Variants in FKBP5 observed in about 807,000 individuals in gnomAD.
FKBP5 encodes FKBP prolyl isomerase 5, also known as peptidyl-prolyl cis-trans isomerase FKBP5.
A neutral mutation model predicts 50.5 loss-of-function variants in FKBP5; 23 were observed. The observed-to-expected ratio is 0.46, with a 90% CI of 0.33 to 0.65. The LOEUF is 0.65. Among genes scored for constraint, FKBP5 ranks in the 30% least tolerant of loss-of-function variants. The pLI, the probability that FKBP5 is intolerant of heterozygous loss-of-function variation, is 0.02. For synonymous variants in FKBP5, 176 were observed against 190.6 expected, an observed-to-expected ratio of 0.92 and a Z score of 0.63; for missense variants, 411 against 553.1, an observed-to-expected ratio of 0.74 and a Z score of 2.58.
chr6:35,654,544 T>C (rs879327661), intron 1 of FKBP5, among the ~76,000 whole-genome samples: 2 of 152,228 alleles, frequency 1.3e-5, no homozygotes, highest in Admixed American at 6.5e-5. Flanking sequence ...TAAAACTACT[T>C]ACTGCTGTTT....
intron 7 of FKBP5, among the ~76,000 whole-genome samples, chr6:35,590,668 T>C (rs1391382839): frequency 6.6e-6 from 1 of 152,082 alleles, no homozygotes; most frequent in African/African-American, 2.4e-5. Context: ...CCTCGAGGAC[T>C]TGCAGTTGGG....
intron 1 of FKBP5, among the ~76,000 whole-genome samples, chr6:35,652,397 G>C (rs985657040): frequency 1.2e-4 from 19 of 152,212 alleles, no homozygotes; most frequent in Non-Finnish European, 2.6e-4. Context: ...TCTTTCAAAA[G>C]CAAATGGGAG....
rs990912107 is a variant in FKBP5, at chr6:35,642,787, C to T, written c.38G>A (p.Ser13Asn). 4.4e-5 allele frequency: 71 copies of T among 1,613,860 alleles called. 2 individuals are homozygous for T. Among genetic ancestry groups the T allele is most frequent in the East Asian group, 3.1e-4 (14 of 44,882 alleles). The change falls in exon 2 of 11, where the codon AGC becomes AAC. Residue 13 changes from serine to asparagine, a missense_variant. Physicochemically the swap from Ser to Asn is conservative, Grantham distance 46. Transcript: ENST00000357266. The stretch of plus-strand genomic sequence containing the variant: ...CTGCTCAGCAACAGTGGCTGTGGGG[C>T]TTTCTTCATTGTTCTTGGCACCTTC... ...TDEGAKNNEESPTATVAEQGE... is the reference protein window; with the variant it reads ...TDEGAKNNEENPTATVAEQGE...
At chr6:35,620,467 G>A (rs1013542183) in intron 3 of FKBP5, among the ~76,000 whole-genome samples, 193 bp from the exon 4 acceptor site, 5 of 151,632 alleles carry the variant, frequency 3.3e-5, no homozygotes, top group African/African-American at 1.2e-4. Context: ...AAGATTCCCT[G>A]TTGATCGGCC....
chr6:35,606,096 A>G (rs1423102578), intron 5 of FKBP5, among the ~76,000 whole-genome samples: 1 of 152,274 alleles, frequency 6.6e-6, no homozygotes, highest in African/African-American at 2.4e-5. Context: ...TCAGCACAGC[A>G]AAATAAGCTA....
At chr6:35,580,320 T>C in intron 8 of FKBP5, 99 bp from the exon 9 acceptor site, 1 of 914,318 alleles carries the variant, frequency 1.1e-6, no homozygotes, top group Non-Finnish European at 1.7e-6. Flanking sequence ...CAAACCCTGG[T>C]ACAGCTGGTT....
At chr6:35,626,914 C>T (rs983265738) in intron 3 of FKBP5, among the ~76,000 whole-genome samples, 1 of 152,190 alleles carries the variant, frequency 6.6e-6, no homozygotes, top group African/African-American at 2.4e-5. Context: ...CTTTTGGTTG[C>T]TGTTAATAAT....
chr6:35,608,504 GAGCAATAT>G lies in FKBP5; in HGVS notation c.508+10584_508+10591del, dbSNP rs1487123933. 5.3e-5 allele frequency among the ~76,000 whole-genome samples: 8 copies of G among 152,240 alleles called. No homozygotes were observed. The East Asian group carries it at 1.5e-3, about 29-fold the overall frequency. ...ATGCCCTGGAGTTCAAGACCAGCTT[GAGCAATAT>G]AGCAAGACCCCGTCTCTAAAAGGAT... On this transcript the variant is annotated intron_variant, in intron 5 of 10. Coordinates refer to ENST00000357266, the MANE Select transcript of FKBP5 (RefSeq NM_004117.4).
upstream of FKBP5, among the ~76,000 whole-genome samples, chr6:35,691,025 TAAATA>T (rs950661118): frequency 4.6e-5 from 7 of 151,552 alleles, no homozygotes; most frequent in African/African-American, 7.3e-5. Context: ...TAATAATAAA[TAAATA>T]AAATAAAATA....
rs574076946 is a variant in FKBP5, at chr6:35,597,376, C to T, written c.537G>A (p.Arg179=). The T allele has an allele frequency of 5.6e-6, 9 of 1,614,030 alleles. No homozygotes were observed. Among genetic ancestry groups the T allele is most frequent in the Non-Finnish European group, 7.6e-6 (9 of 1,179,976 alleles). Residue 179 remains arginine, a synonymous_variant, in exon 6 of 11, where the codon AGG becomes AGA. Coordinates refer to ENST00000357266, the MANE Select transcript of FKBP5 (RefSeq NM_004117.4). The part of the protein sequence containing the change: ...EIHLEGRCGG[R]MFDCRDVAFT... ...ATGCCACATCTCTGCAGTCAAACATCCTTCCACCACAGCGGCCTTCCAGGT... is the reference window on the plus strand; with the variant it reads ...ATGCCACATCTCTGCAGTCAAACATTCTTCCACCACAGCGGCCTTCCAGGT...
chr6:35,689,940 C>G (rs895854187), upstream of FKBP5, among the ~76,000 whole-genome samples: 1 of 152,188 alleles, frequency 6.6e-6, no homozygotes, highest in Non-Finnish European at 1.5e-5. Flanking sequence ...GATGCAGGAG[C>G]TGCACCTGGG....
chr6:35,722,395 A>C (rs888610787), intron 1 of FKBP5, among the ~76,000 whole-genome samples: 1 of 152,210 alleles, frequency 6.6e-6, no homozygotes, highest in African/African-American at 2.4e-5. Context: ...GAGGGCTGTG[A>C]ATGTGGGCTA....
At chr6:35,666,470 G>A (rs558085444) in intron 1 of FKBP5, among the ~76,000 whole-genome samples, 3 of 138,828 alleles carry the variant, frequency 2.2e-5, no homozygotes, top group East Asian at 2.2e-4. Flanking sequence ...CTCTACAATG[G>A]AAAATTATAT....
At chr6:35,687,399 A>G (rs1228713972) in intron 1 of FKBP5, among the ~76,000 whole-genome samples, 1 of 152,236 alleles carries the variant, frequency 6.6e-6, no homozygotes, top group Non-Finnish European at 1.5e-5. Flanking sequence ...TTCCCACCAG[A>G]ATAAGAATTT....
rs71002577 is a variant in FKBP5, at chr6:35,610,591, A to AAAG, written c.508+8504_508+8505insCTT. 8.7e-3 allele frequency among the ~76,000 whole-genome samples: 1,279 copies of AAAG among 147,788 alleles called. 14 individuals carry two copies. Among genetic ancestry groups the AAAG allele is most frequent in the Non-Finnish European group, 0.016 (1,060 of 66,648 alleles). ...TCAAAAAAAAAAAAAAAAAAAAAAAAGTTTCAAAAAATACATTCATTTTCC... is the reference window on the plus strand; with the variant it reads ...TCAAAAAAAAAAAAAAAAAAAAAAAAAAGGTTTCAAAAAATACATTCATTTTCC... On this transcript the variant is annotated intron_variant, in intron 5 of 10. Coordinates refer to ENST00000357266, the MANE Select transcript of FKBP5 (RefSeq NM_004117.4).
chr6:35,620,012 T>C, intron 4 of FKBP5, 120 bp downstream of exon 4: 2 of 1,238,234 alleles, frequency 1.6e-6, no homozygotes, highest in South Asian at 2.8e-5. Context: ...TGCTCCAAAA[T>C]AAGTAAGTTG....
chr6:35,704,688 T>C (rs1370223128), intron 2 of FKBP5, among the ~76,000 whole-genome samples: 1 of 146,668 alleles, frequency 6.8e-6, no homozygotes, highest in Non-Finnish European at 1.5e-5. Flanking sequence ...ACTTACTGTT[T>C]GCAATCCCAA....
chr6:35,583,775 G>A, intron 8 of FKBP5: 1 of 985,364 alleles, frequency 1.0e-6, no homozygotes, highest in Non-Finnish European at 1.2e-6. Context: ...CTGCACTAAA[G>A]GAAAGAGATG....
chr6:35,585,073 T>G, intron 8 of FKBP5: 1 of 985,390 alleles, frequency 1.0e-6, no homozygotes, highest in South Asian at 4.7e-5. Flanking sequence ...ATAGCACCGA[T>G]TAGAGCCTCT....
Sources: allele counts gnomAD v4.1 joint callset (sites outside exome capture counted in the v4.1 genomes callset), GRCh38; gene constraint gnomAD v4.1.1; transcripts MANE v1.5; gene names NCBI Gene and HGNC (gene_info 2026-07-23, HGNC 2026-07-21).